ZFHX3: variants seen among roughly 807,000 people sequenced by gnomAD.
ZFHX3 encodes the protein zinc finger homeobox 3.
Under a neutral mutation model 279.1 loss-of-function variants are expected in ZFHX3, and 42 were observed. That is an observed-to-expected ratio of 0.15 (90% confidence interval 0.12 to 0.19). The LOEUF is 0.19. Among genes scored for constraint, ZFHX3 ranks in the 10% least tolerant of loss-of-function variants. ZFHX3 has a pLI of 1.00. For synonymous variants in ZFHX3, 2,293 were observed against 1,957.8 expected (o/e 1.17, Z -4.52); for missense variants, 4,981 against 4,754.0 (o/e 1.05, Z -1.40).
chr16:73,129,379 G>C (rs76955604), intron 7 of ZFHX3, among the ~76,000 whole-genome samples: 1 of 137,928 alleles, frequency 7.3e-6, no homozygotes, highest in East Asian at 2.2e-4. Context: ...CAGAGACTCT[G>C]ACACACACAC....
chr16:73,352,474 CTTTTTTTTTTT>C (rs35974156), intron 3 of ZFHX3, among the ~76,000 whole-genome samples: 10 of 53,256 alleles, frequency 1.9e-4, no homozygotes, highest in East Asian at 4.9e-4. Flanking sequence ...CTCTCTCTCT[CTTTTTTTTTTT>C]TTTTTTTTTT....
At chr16:73,228,540 G>A (rs934912832) in intron 5 of ZFHX3, among the ~76,000 whole-genome samples, 1 of 152,180 alleles carries the variant, frequency 6.6e-6, no homozygotes, top group African/African-American at 2.4e-5. Context: ...ACATGTGCCT[G>A]TATTCCCAGC....
chr16:73,600,738 A>G (rs1275507036), intron 2 of ZFHX3, among the ~76,000 whole-genome samples: 1 of 152,038 alleles, frequency 6.6e-6, no homozygotes, highest in Admixed American at 6.6e-5. Flanking sequence ...TTCTAATGGC[A>G]TCATGGATCT....
intron 4 of ZFHX3, among the ~76,000 whole-genome samples, chr16:72,870,623 CAGG>C (rs2038136690): frequency 7.0e-6 from 1 of 142,554 alleles, no homozygotes; most frequent in Non-Finnish European, 1.5e-5. Flanking sequence ...GAGGCTGAGG[CAGG>C]AGAATGGCAT....
intron 1 of ZFHX3, among the ~76,000 whole-genome samples, chr16:73,035,797 G>A (rs555744486): frequency 3.3e-4 from 51 of 152,312 alleles, no homozygotes; most frequent in African/African-American, 1.0e-3. Flanking sequence ...CCAGCTACTC[G>A]GGAGGCTGAG....
intron 1 of ZFHX3, among the ~76,000 whole-genome samples, chr16:73,731,507 A>T (rs1035118348): frequency 6.6e-6 from 1 of 152,090 alleles, no homozygotes; most frequent in Non-Finnish European, 1.5e-5. Flanking sequence ...TCTCTAATTT[A>T]ATAATCACCT....
intron 1 of ZFHX3, among the ~76,000 whole-genome samples, chr16:73,872,425 G>A (rs936450795): frequency 1.3e-5 from 2 of 151,776 alleles, no homozygotes; most frequent in Non-Finnish European, 2.9e-5. Flanking sequence ...AGTAGACACG[G>A]GGTTTCACCA....
chr16:73,507,646 C>A (rs1290853706), intron 2 of ZFHX3, among the ~76,000 whole-genome samples: 1 of 151,968 alleles, frequency 6.6e-6, no homozygotes, highest in African/African-American at 2.4e-5. Flanking sequence ...CAGGTACACG[C>A]CACCATGCCT....
intron 4 of ZFHX3, among the ~76,000 whole-genome samples, chr16:73,277,003 T>C (rs541768183): frequency 4.6e-5 from 7 of 152,354 alleles, no homozygotes; most frequent in Admixed American, 2.6e-4. Flanking sequence ...GGAGATATTC[T>C]ACAGAAACTG....
chr16:73,177,783 G>C (rs765196981), intron 5 of ZFHX3, among the ~76,000 whole-genome samples: 1 of 152,220 alleles, frequency 6.6e-6, no homozygotes, highest in Non-Finnish European at 1.5e-5. Flanking sequence ...GATAGGCCTT[G>C]TTCTCAAGGA....
chr16:73,125,296 C>A (rs1032762515), intron 7 of ZFHX3: 15 of 145,088 alleles, frequency 1.0e-4, no homozygotes, highest in African/African-American at 3.4e-4. Flanking sequence ...AATAATAGAG[C>A]AAACATTGAC....
chr16:72,818,147 C>T (rs2036669082), intron 5 of ZFHX3, among the ~76,000 whole-genome samples: 2 of 152,156 alleles, frequency 1.3e-5, no homozygotes, highest in Non-Finnish European at 2.9e-5. Flanking sequence ...ACACACAAGA[C>T]ACAGATGTAT....
At chr16:73,172,990 TTTTTTG>T (rs1223632744) in intron 5 of ZFHX3, among the ~76,000 whole-genome samples, 2 of 58,086 alleles carry the variant, frequency 3.4e-5, no homozygotes, top group Admixed American at 2.6e-4. Context: ...ATGGGACTGT[TTTTTTG>T]TTTTTTTTTT....
chr16:73,270,390 T>C (rs76708035), intron 4 of ZFHX3, among the ~76,000 whole-genome samples: 2 of 152,200 alleles, frequency 1.3e-5, no homozygotes, highest in Admixed American at 6.5e-5. Context: ...CCACGACCAC[T>C]GATGTGCGTG....
chr16:73,478,062 A>G (rs1018034884), intron 2 of ZFHX3, among the ~76,000 whole-genome samples: 10 of 151,952 alleles, frequency 6.6e-5, no homozygotes, highest in South Asian at 2.1e-4. Flanking sequence ...CACGAGGTCA[A>G]GAGATCGAGA....
chr16:73,373,966 A>G (rs34982827), intron 3 of ZFHX3, among the ~76,000 whole-genome samples: 15,675 of 152,306 alleles, frequency 0.1, 953 homozygotes, highest in Middle Eastern at 0.19. Context: ...TGCAAAAATC[A>G]AAGCTACATA....
intron 7 of ZFHX3, among the ~76,000 whole-genome samples, chr16:73,108,972 C>T (rs561229612): frequency 2.0e-5 from 3 of 148,936 alleles, no homozygotes; most frequent in South Asian, 2.2e-4. Flanking sequence ...CAAAGAGGTG[C>T]GGCTAACAAG....
At chr16:73,039,571 G>A (rs889674412) in intron 1 of ZFHX3, among the ~76,000 whole-genome samples, 8 of 152,180 alleles carry the variant, frequency 5.3e-5, no homozygotes, top group East Asian at 1.9e-4. Context: ...AGATGCCAGG[G>A]ATACTAAATG....
chr16:73,268,601 C>T (rs531633691), intron 4 of ZFHX3, among the ~76,000 whole-genome samples: 1 of 152,198 alleles, frequency 6.6e-6, no homozygotes, highest in African/African-American at 2.4e-5. Context: ...GTGGTAAATG[C>T]CTTGTGCTCT....
Sources: gnomAD v4.1 joint callset for allele counts (sites outside exome capture counted in the v4.1 genomes callset) on GRCh38, gnomAD v4.1.1 for gene constraint, MANE v1.5 for transcripts, NCBI Gene and HGNC (gene_info 2026-07-23, HGNC 2026-07-21) for gene names.